Variants in CADM2 observed in about 807,000 individuals in gnomAD.
The protein encoded by CADM2 is immunoglobulin superfamily member 4D.
A neutral mutation model predicts 49.8 loss-of-function variants in CADM2; 12 were observed. That is an observed-to-expected ratio of 0.24 (90% confidence interval 0.15 to 0.39). The LOEUF is 0.39. CADM2 is among the 10% of genes least tolerant of loss of function. CADM2 has a pLI of 1.00. For synonymous variants in CADM2, 214 were observed against 175.4 expected (o/e 1.22, Z -1.74); for missense variants, 378 against 492.3 (o/e 0.77, Z 2.20).
At chr3:85,662,981 C>T (rs576552226) in intron 1 of CADM2, among the ~76,000 whole-genome samples, 20 of 152,048 alleles carry the variant, frequency 1.3e-4, no homozygotes, top group African/African-American at 4.8e-4. Context: ...GGTGCCACAT[C>T]TTAGAAATGG....
intron 1 of CADM2, among the ~76,000 whole-genome samples, chr3:85,295,960 G>A (rs1407036236): frequency 1.3e-5 from 2 of 151,630 alleles, no homozygotes; most frequent in Non-Finnish European, 2.9e-5. Flanking sequence ...GAAAAAAAAA[G>A]TAGTAAACCT....
chr3:85,484,386 T>C (rs1272852836), intron 1 of CADM2, among the ~76,000 whole-genome samples: 1 of 151,966 alleles, frequency 6.6e-6, no homozygotes, highest in Non-Finnish European at 1.5e-5. Flanking sequence ...TAGGATTATG[T>C]AAACCTTTAA....
At chr3:85,235,851 T>C (rs2042395965) in intron 1 of CADM2, among the ~76,000 whole-genome samples, 1 of 152,120 alleles carries the variant, frequency 6.6e-6, no homozygotes, top group African/African-American at 2.4e-5. Flanking sequence ...TGAAAAATAG[T>C]ATAATGGATT....
At chr3:85,914,421 G>A (rs1718015321) in intron 6 of CADM2, among the ~76,000 whole-genome samples, 1 of 151,904 alleles carries the variant, frequency 6.6e-6, no homozygotes, top group African/African-American at 2.4e-5. Context: ...TCCTTTTTCT[G>A]TTTCTTTTTC....
intron 1 of CADM2, among the ~76,000 whole-genome samples, chr3:85,489,721 T>C (rs1159508366): frequency 1.4e-5 from 2 of 147,010 alleles, no homozygotes; most frequent in African/African-American, 5.0e-5. Flanking sequence ...TGAATTAAAG[T>C]GTCCTTCTAA....
At chr3:85,043,244 G>A (rs896312850) in intron 1 of CADM2, among the ~76,000 whole-genome samples, 3 of 151,986 alleles carry the variant, frequency 2.0e-5, no homozygotes, top group African/African-American at 4.8e-5. Flanking sequence ...GCTACAGGTA[G>A]GAAGGGGCCA....
intron 1 of CADM2, among the ~76,000 whole-genome samples, chr3:85,403,768 T>G (rs2035236372): frequency 6.6e-6 from 1 of 152,162 alleles, no homozygotes; most frequent in African/African-American, 2.4e-5. Flanking sequence ...AGCAAAGTAT[T>G]TCTCTCATAA....
intron 1 of CADM2, among the ~76,000 whole-genome samples, chr3:85,436,433 G>T (rs1320032117): frequency 6.6e-6 from 1 of 151,850 alleles, no homozygotes; most frequent in East Asian, 1.9e-4. Flanking sequence ...TTGCCTGATT[G>T]CCCTGAAATA....
chr3:85,266,436 TA>T (rs1433409584), intron 1 of CADM2, among the ~76,000 whole-genome samples: 1 of 151,778 alleles, frequency 6.6e-6, no homozygotes, highest in East Asian at 1.9e-4. Context: ...GTCTGACAGG[TA>T]AAAAGGTTGT....
intron 1 of CADM2, among the ~76,000 whole-genome samples, chr3:85,098,042 G>A (rs1371559617): frequency 1.3e-5 from 2 of 152,102 alleles, no homozygotes; most frequent in Non-Finnish European, 2.9e-5. Flanking sequence ...TGTGTCATAG[G>A]AAATGAGACT....
At chr3:85,166,242 C>T (rs2040467596) in intron 1 of CADM2, among the ~76,000 whole-genome samples, 2 of 151,784 alleles carry the variant, frequency 1.3e-5, no homozygotes, top group African/African-American at 4.8e-5. Context: ...CCGTCATCCG[C>T]ACTATCTCAT....
At chr3:85,174,459 A>G (rs2040721299) in intron 1 of CADM2, among the ~76,000 whole-genome samples, 1 of 151,624 alleles carries the variant, frequency 6.6e-6, no homozygotes, top group Admixed American at 6.6e-5. Context: ...TCCTTACCAG[A>G]AAATTTCTGC....
At chr3:85,724,540 A>G (rs1449888291) in intron 1 of CADM2, among the ~76,000 whole-genome samples, 1 of 151,978 alleles carries the variant, frequency 6.6e-6, no homozygotes, top group African/African-American at 2.4e-5. Flanking sequence ...ATAGTTCCAT[A>G]CTTCATATAA....
chr3:85,794,743 A>G (rs1275433050), intron 2 of CADM2, among the ~76,000 whole-genome samples: 1 of 152,086 alleles, frequency 6.6e-6, no homozygotes, highest in Non-Finnish European at 1.5e-5. Context: ...ATGGTAAACA[A>G]GATCCATACT....
At chr3:85,673,641 G>A (rs2065811448) in intron 1 of CADM2, among the ~76,000 whole-genome samples, 1 of 152,006 alleles carries the variant, frequency 6.6e-6, no homozygotes. Context: ...GATGTTAACA[G>A]GAAGGAAGCA....
chr3:84,985,050 A>G (rs777427821), intron 1 of CADM2, among the ~76,000 whole-genome samples: 6 of 152,142 alleles, frequency 3.9e-5, no homozygotes, highest in Non-Finnish European at 7.4e-5. Flanking sequence ...AAGAGATTCA[A>G]ATTAATTTTT....
At chr3:85,856,689 G>T (rs565521503) in intron 3 of CADM2, among the ~76,000 whole-genome samples, 1 of 152,144 alleles carries the variant, frequency 6.6e-6, no homozygotes, top group South Asian at 2.1e-4. Context: ...ATAATATGTT[G>T]AAAAATGTTC....
chr3:85,513,214 C>CA (rs1695915035), intron 1 of CADM2, among the ~76,000 whole-genome samples: 1 of 151,794 alleles, frequency 6.6e-6, no homozygotes, highest in South Asian at 2.1e-4. Context: ...TTTAGAGATG[C>CA]AAAACCAAAA....
Position 85,935,768 on chromosome 3 carries a change from T to C in CADM2, c.702T>C (p.Tyr234=), listed in dbSNP as rs1267051924. 6.4e-7 allele frequency: 1 copy of C among 1,558,730 alleles called. No homozygotes were observed. Among genetic ancestry groups the C allele is most frequent in the Non-Finnish European group, 8.8e-7 (1 of 1,138,282 alleles). ...QVAMQVLEIH[Y]TPSVKIIPST... ...TTCTTAATATTCTTTTATTTCTAGA[T>C]ACACCATCAGTTAAGATTATACCAT... Residue 234 remains tyrosine, a splice_region_variant and synonymous_variant, in exon 7 of 10, where the codon TAT becomes TAC. Transcript: ENST00000383699.
Sources: gnomAD v4.1 joint callset for allele counts (sites outside exome capture counted in the v4.1 genomes callset) on GRCh38, gnomAD v4.1.1 for gene constraint, MANE v1.5 for transcripts, NCBI Gene and HGNC (gene_info 2026-07-23, HGNC 2026-07-21) for gene names.